SPINT2: variants seen among roughly 807,000 people sequenced by gnomAD.
SPINT2 encodes the protein serine peptidase inhibitor, Kunitz type 2.
In SPINT2, 18 loss-of-function variants were observed where a neutral mutation model predicts 30.1. The ratio of observed to expected loss-of-function variants is 0.60; its 90% CI spans 0.41 to 0.89. The LOEUF is 0.89. Among genes scored for constraint, SPINT2 ranks in the 40% least tolerant of loss-of-function variants. The probability of loss-of-function intolerance (pLI) is 0.00; values close to 1 mark genes in which losing one functional copy is unlikely to be tolerated. For missense variants in SPINT2, 276 were observed against 334.3 expected, an observed-to-expected ratio of 0.83 and a Z score of 1.36; for synonymous variants, 139 against 137.9, an observed-to-expected ratio of 1.01 and a Z score of -0.05.
At position 38,264,698 on chromosome 19, in the gene SPINT2, G is replaced by A; in HGVS notation, c.-195G>A. The A allele has an allele frequency of 1.7e-6, 1 of 594,742 alleles. No homozygotes were observed. Among genetic ancestry groups the A allele is most frequent in the East Asian group, 3.0e-5 (1 of 33,584 alleles). 36.8% of individuals were successfully genotyped at this position (594,742 alleles called of 1,614,324 possible). A position where few individuals can be genotyped will look rare whatever the true frequency, so the allele number is the denominator to read the frequency against. ...AGCAGACCCAGGCATCGCGCGCCGA[G>A]AAGGCCGGGCGTCCCCACACTGAAG... On this transcript the variant is annotated 5_prime_UTR_variant, in exon 1 of 7. Transcript: ENST00000301244.
Position 38,290,918 on chromosome 19 carries a change from A to T in SPINT2, c.592+343A>T, listed in dbSNP as rs1968710100. On this transcript the variant is annotated intron_variant, in intron 6 of 6. Transcript: ENST00000301244. The surrounding 1 kb of genome is among the most constrained non-coding windows in gnomAD (Gnocchi z 4.3). ...GCTATGTGGGGCATAAGAGTTGGTC[A>T]CGGGTGACAGGACGGAGGACCACGG... is the stretch of plus-strand genomic sequence containing the variant. 1 of 428,426 alleles carries T rather than the reference A, an allele frequency of 2.3e-6. No homozygotes were observed. Among genetic ancestry groups the T allele is most frequent in the African/African-American group, 2.0e-5 (1 of 49,446 alleles). 26.5% of individuals were successfully genotyped at this position (428,426 alleles called of 1,614,324 possible). A position where few individuals can be genotyped will look rare whatever the true frequency, so the allele number is the denominator to read the frequency against.
intron 2 of SPINT2, among the ~76,000 whole-genome samples, chr19:38,285,547 G>A (rs1172276902): frequency 6.6e-6 from 1 of 152,062 alleles, no homozygotes; most frequent in African/African-American, 2.4e-5. Context: ...GTTTCACCAT[G>A]TTACCCAGGC....
intron 1 of SPINT2, among the ~76,000 whole-genome samples, chr19:38,274,032 A>T (rs1390290547): frequency 6.6e-6 from 1 of 151,946 alleles, no homozygotes; most frequent in East Asian, 1.9e-4. Flanking sequence ...GGACTTCAAT[A>T]CTAGTCTGGG....
intron 2 of SPINT2, among the ~76,000 whole-genome samples, chr19:38,284,804 G>A (rs996572959): frequency 1.3e-5 from 2 of 152,104 alleles, no homozygotes; most frequent in African/African-American, 4.8e-5. Flanking sequence ...TTGGAGTGCA[G>A]TAGAGCAATC....
chr19:38,267,193 T>G (rs1371044153), intron 1 of SPINT2, among the ~76,000 whole-genome samples: 4 of 152,218 alleles, frequency 2.6e-5, no homozygotes, highest in Admixed American at 6.5e-5. Flanking sequence ...TCTGACTGGG[T>G]GAACTCATGC....
chr19:38,290,932 G>A lies in SPINT2; in HGVS notation c.592+357G>A, dbSNP rs998839599. 1.5e-5 allele frequency: 6 copies of A among 398,812 alleles called. No homozygotes were observed. The highest frequency in any genetic ancestry group is 2.4e-5 in the Non-Finnish European group (5 of 209,662). The allele number at this position is 398,812 out of a possible 1,614,324, so 24.7% of individuals were successfully genotyped here. A position where few individuals can be genotyped will look rare whatever the true frequency, so the allele number is the denominator to read the frequency against. On this transcript the variant is annotated intron_variant, in intron 6 of 6. Coordinates refer to ENST00000301244, the MANE Select transcript of SPINT2 (RefSeq NM_021102.4). This position sits in a 1 kb window ranked among gnomAD's most constrained non-coding sequence, Gnocchi z 4.3. ...AAGAGTTGGTCACGGGTGACAGGAC[G>A]GAGGACCACGGGCCAGGGTGTTTCC...
At chr19:38,267,831 G>A (rs73930562) in intron 1 of SPINT2, among the ~76,000 whole-genome samples, 18,147 of 152,014 alleles carry the variant, frequency 0.12, 1,186 homozygotes, top group East Asian at 0.18. Context: ...CGTGCCAGGC[G>A]GGGTAGTGAA....
intron 1 of SPINT2, among the ~76,000 whole-genome samples, chr19:38,265,850 G>C (rs766748455): frequency 6.6e-6 from 1 of 152,234 alleles, no homozygotes; most frequent in Non-Finnish European, 1.5e-5. Context: ...AGTTAACTCA[G>C]ACTAGCTGGG....
rs758849625 is a variant in SPINT2, at chr19:38,287,897, C to A, written c.299C>A (p.Ala100Asp). 1 of 1,614,164 alleles carries A rather than the reference C, an allele frequency of 6.2e-7. No individual in the cohort carries two copies. Among genetic ancestry groups the A allele is most frequent in the Non-Finnish European group, 8.5e-7 (1 of 1,180,024 alleles). Residue 100 changes from alanine to aspartate, a missense_variant, in exon 3 of 7, where the codon GCC (alanine) becomes GAC (aspartate). Transcript: ENST00000301244. ...TVTENATGDL[A>D]TSRNAADSSV... is the part of the protein sequence containing the mutation. ...GCAGAGAATGCCACGGGTGACCTGG[C>A]CACCAGCAGGAATGCAGCGGATTCC... is the stretch of plus-strand genomic sequence containing the variant.
At chr19:38,288,895 G>A in intron 3 of SPINT2, 1 of 539,376 alleles carries the variant, frequency 1.9e-6, no homozygotes. Flanking sequence ...TAGGAGCTGT[G>A]GCAGGCTTGG....
rs769216884 is a variant in SPINT2 at position 38,290,720 on chromosome 19, G to A, written c.592+145G>A. 39 of 1,175,582 alleles carry A rather than the reference G, an allele frequency of 3.3e-5. No individual in the cohort carries two copies. In the African/African-American group the frequency reaches 4.4e-4, roughly 13 times the overall value. 72.8% of individuals were successfully genotyped at this position (1,175,582 alleles called of 1,614,324 possible). On this transcript the variant is annotated intron_variant, in intron 6 of 6. Coordinates refer to ENST00000301244, the MANE Select transcript of SPINT2 (RefSeq NM_021102.4). This position sits in a 1 kb window ranked among gnomAD's most constrained non-coding sequence, Gnocchi z 4.3. ...AGTCATGTTTCTGCGTGAGAATGGC[G>A]AGGTGGTGGTTTGTCCCACCGTTCA...
intron 1 of SPINT2, among the ~76,000 whole-genome samples, chr19:38,273,396 C>T (rs1316180419): frequency 6.6e-6 from 1 of 152,084 alleles, no homozygotes; most frequent in Non-Finnish European, 1.5e-5. Flanking sequence ...GCTTCAGTAC[C>T]TCCTGTCATT....
Position 38,292,027 on chromosome 19 carries a change from C to T in SPINT2, c.*21C>T. 6.2e-7 allele frequency: 1 copy of T among 1,613,556 alleles called. No individual in the cohort carries two copies. Among genetic ancestry groups the T allele is most frequent in the Non-Finnish European group, 8.5e-7 (1 of 1,179,862 alleles). The stretch of plus-strand genomic sequence containing the variant: ...TGTGACCGCCCTGTCGCCAAGAGGA[C>T]TGGGGAAGGGAGGGGAGACTATGTG... On this transcript the variant is annotated 3_prime_UTR_variant, in exon 7 of 7. Coordinates refer to ENST00000301244, the MANE Select transcript of SPINT2 (RefSeq NM_021102.4).
At chr19:38,271,555 C>T (rs1298807427) in intron 1 of SPINT2, among the ~76,000 whole-genome samples, 5 of 151,652 alleles carry the variant, frequency 3.3e-5, no homozygotes, top group South Asian at 4.2e-4. Flanking sequence ...CATGTTTGGC[C>T]GGGTACAGTG....
chr19:38,268,647 G>C (rs919762968), intron 1 of SPINT2, among the ~76,000 whole-genome samples: 5 of 152,112 alleles, frequency 3.3e-5, no homozygotes, highest in Non-Finnish European at 7.3e-5. Flanking sequence ...TGTCTCTGTA[G>C]GCCTTTGGCT....
intron 1 of SPINT2, among the ~76,000 whole-genome samples, chr19:38,275,415 C>T (rs1212163651): frequency 6.6e-6 from 1 of 151,980 alleles, no homozygotes; most frequent in Non-Finnish European, 1.5e-5. Flanking sequence ...ACCTCCGCCT[C>T]CTGAGTTCAA....
intron 4 of SPINT2, 189 bp downstream of exon 4, chr19:38,289,380 A>T (rs573201864): frequency 4.4e-5 from 21 of 475,922 alleles, no homozygotes; most frequent in South Asian, 4.0e-4. Flanking sequence ...GCTACTCAGG[A>T]GACTGAGGCA....
intron 4 of SPINT2, 121 bp downstream of exon 4, chr19:38,289,312 G>C: frequency 2.3e-6 from 2 of 852,624 alleles, no homozygotes; most frequent in Non-Finnish European, 3.9e-6. Flanking sequence ...GTGAAACCCT[G>C]TCTCTACTAA....
chr19:38,289,743 T>C, intron 4 of SPINT2: 1 of 335,362 alleles, frequency 3.0e-6, no homozygotes, highest in South Asian at 2.7e-5. Context: ...GGCACGTGGC[T>C]CTGCAATTTA....
Sources: allele counts gnomAD v4.1 joint callset (sites outside exome capture counted in the v4.1 genomes callset), GRCh38; gene constraint gnomAD v4.1.1; non-coding constraint Gnocchi (gnomAD v3.1); transcripts MANE v1.5; gene names NCBI Gene and HGNC (gene_info 2026-07-23, HGNC 2026-07-21).